TESK2: variants seen among roughly 807,000 people sequenced by gnomAD.
TESK2 encodes dual specificity testis-specific protein kinase 2.
In TESK2, 39 loss-of-function variants were observed where a neutral mutation model predicts 57.1. The ratio of observed to expected loss-of-function variants is 0.68; its 90% CI spans 0.53 to 0.89. The LOEUF is 0.89. Among genes scored for constraint, TESK2 ranks in the 40% least tolerant of loss-of-function variants. TESK2 has a pLI of 0.00. For synonymous variants in TESK2, 249 were observed against 267.9 expected (o/e 0.93, Z 0.69); for missense variants, 646 against 732.1 (o/e 0.88, Z 1.36).
chr1:45,405,546 C>T (rs1370219464), intron 3 of TESK2, among the ~76,000 whole-genome samples: 2 of 151,870 alleles, frequency 1.3e-5, no homozygotes, highest in Admixed American at 1.3e-4. Context: ...AATCCCAGCA[C>T]TTTGGGAGGC....
intron 2 of TESK2, among the ~76,000 whole-genome samples, chr1:45,436,450 G>T (rs1159469482): frequency 2.1e-5 from 3 of 140,836 alleles, no homozygotes; most frequent in Admixed American, 7.4e-5. Flanking sequence ...CTCCCAAAGT[G>T]CTGGGATCAT....
chr1:45,362,124 C>T (rs1227833543), intron 4 of TESK2, among the ~76,000 whole-genome samples: 1 of 152,210 alleles, frequency 6.6e-6, no homozygotes, highest in African/African-American at 2.4e-5. Flanking sequence ...CCTCACCAAA[C>T]ACTGAATCTG....
intron 1 of TESK2, among the ~76,000 whole-genome samples, chr1:45,467,636 G>GT (rs10579583): frequency 8.7e-4 from 130 of 148,760 alleles, no homozygotes; most frequent in East Asian, 3.7e-3. Context: ...GGCCTTCACA[G>GT]TTTTTTTTTT....
intron 1 of TESK2, among the ~76,000 whole-genome samples, chr1:45,469,204 A>T (rs1268390809): frequency 6.6e-6 from 1 of 152,200 alleles, no homozygotes; most frequent in African/African-American, 2.4e-5. Flanking sequence ...GCCTATCTTC[A>T]ATATTATATT....
chr1:45,351,831 A>G (rs1051944518), intron 5 of TESK2, among the ~76,000 whole-genome samples: 4 of 43,480 alleles, frequency 9.2e-5, no homozygotes, highest in African/African-American at 8.1e-4. Flanking sequence ...TAGGCCCAGG[A>G]AGACTTTATA....
In TESK2 at chr1:45,345,124, G is replaced by A. The variant is rs752618142; in HGVS notation, c.1432C>T (p.Leu478=). ...AGGCGTGGTGGGGGCCCATCAGATA[G>A]CGATTCTTCCCGGCCCACAAATGGA... ...ACPFVGREES[L]SDGPPPRLSS... The change falls in exon 11 of 11, where the codon CTA becomes TTA. Residue 478 remains leucine, a synonymous_variant. Coordinates refer to ENST00000372086, the MANE Select transcript of TESK2 (RefSeq NM_007170.3). 6.2e-7 allele frequency: 1 copy of A among 1,614,050 alleles called. No individual in the cohort carries two copies. Among genetic ancestry groups the A allele is most frequent in the African/African-American group, 1.3e-5 (1 of 74,938 alleles).
Position 45,347,075 on chromosome 1 carries a change from C to T in TESK2, c.709-13G>A, listed in dbSNP as rs181446723. 1.4e-4 allele frequency: 223 copies of T among 1,613,758 alleles called. No homozygotes were observed. In the East Asian group the frequency reaches 1.5e-3, roughly 11 times the overall value. The stretch of plus-strand genomic sequence containing the variant: ...AGAACACATCTGCCTGGTGGGTAGT[C>T]GGACTTTGGTTTCCCTCTTAATGGG... On this transcript the variant is annotated splice_polypyrimidine_tract_variant and intron_variant, in intron 7 of 10. Transcript: ENST00000372086.
intron 3 of TESK2, among the ~76,000 whole-genome samples, chr1:45,396,385 T>TG (rs1649357936): frequency 6.6e-6 from 1 of 151,650 alleles, no homozygotes; most frequent in Non-Finnish European, 1.5e-5. Context: ...TGTGAGCTAC[T>TG]GCGCCCAGCC....
Position 45,345,860 on chromosome 1 carries a change from C to G in TESK2, c.997+17G>C. On this transcript the variant is annotated intron_variant, in intron 10 of 10. Transcript: ENST00000372086. Reference sequence around the variant, plus strand: ...CTCCCTTAGGGTTAGGTTGGGCTCCCTGGTCTAATCTCTTACCCCTGGCTG... The same window carrying G: ...CTCCCTTAGGGTTAGGTTGGGCTCCGTGGTCTAATCTCTTACCCCTGGCTG... 2 of 1,604,898 alleles carry G rather than the reference C, an allele frequency of 1.2e-6. No individual in the cohort carries two copies. Among genetic ancestry groups the G allele is most frequent in the Non-Finnish European group, 1.7e-6 (2 of 1,172,160 alleles).
intron 1 of TESK2, among the ~76,000 whole-genome samples, chr1:45,480,736 C>T (rs1653183210): frequency 6.6e-6 from 1 of 151,272 alleles, no homozygotes; most frequent in Admixed American, 6.6e-5. Flanking sequence ...ACTTGTAATC[C>T]CAGCACTTTG....
chr1:45,472,967 C>T (rs1426270784), intron 1 of TESK2, among the ~76,000 whole-genome samples: 2 of 143,692 alleles, frequency 1.4e-5, no homozygotes, highest in Admixed American at 7.1e-5. Flanking sequence ...GAAACCCTGT[C>T]TCTACTAAAA....
At chr1:45,425,372 G>T (rs1650645549) in intron 2 of TESK2, among the ~76,000 whole-genome samples, 1 of 152,140 alleles carries the variant, frequency 6.6e-6, no homozygotes, top group Non-Finnish European at 1.5e-5. Context: ...GCTCTAAAAG[G>T]CCAGGCACAG....
intron 5 of TESK2, among the ~76,000 whole-genome samples, chr1:45,348,590 A>C: frequency 6.6e-6 from 1 of 152,190 alleles, no homozygotes; most frequent in East Asian, 1.9e-4. Context: ...ATCCTCATCC[A>C]AACTTGTCAC....
At chr1:45,350,435 A>G (rs1219740783) in intron 5 of TESK2, among the ~76,000 whole-genome samples, 1 of 152,116 alleles carries the variant, frequency 6.6e-6, no homozygotes, top group East Asian at 1.9e-4. Context: ...AAACAACAAA[A>G]CACTTTCTAT....
At chr1:45,382,871 CA>C (rs1169854705) in intron 4 of TESK2, among the ~76,000 whole-genome samples, 1 of 146,142 alleles carries the variant, frequency 6.8e-6, no homozygotes. Flanking sequence ...TCCGTCCCCC[CA>C]AAAAAAAAAT....
At chr1:45,472,314 T>C (rs1652801143) in intron 1 of TESK2, among the ~76,000 whole-genome samples, 1 of 150,228 alleles carries the variant, frequency 6.7e-6, no homozygotes, top group African/African-American at 2.5e-5. Context: ...TCCCAGCACT[T>C]TGGGAGGCCA....
intron 4 of TESK2, among the ~76,000 whole-genome samples, chr1:45,382,992 A>T (rs1378518874): frequency 6.6e-6 from 1 of 152,258 alleles, no homozygotes; most frequent in African/African-American, 2.4e-5. Flanking sequence ...AAATGGTTCA[A>T]GCCCAGGAAA....
At chr1:45,480,553 A>G (rs575680951) in intron 1 of TESK2, among the ~76,000 whole-genome samples, 18 of 152,114 alleles carry the variant, frequency 1.2e-4, no homozygotes, top group African/African-American at 4.3e-4. Flanking sequence ...CCCTTTTTAC[A>G]GCATTGTTTA....
intron 2 of TESK2, among the ~76,000 whole-genome samples, chr1:45,442,127 G>A (rs1233275870): frequency 6.6e-6 from 1 of 151,938 alleles, no homozygotes; most frequent in Non-Finnish European, 1.5e-5. Flanking sequence ...GTAGAGATGA[G>A]GTTTCTCCAT....
Sources: gnomAD v4.1 joint callset for allele counts (sites outside exome capture counted in the v4.1 genomes callset) on GRCh38, gnomAD v4.1.1 for gene constraint, MANE v1.5 for transcripts, NCBI Gene and HGNC (gene_info 2026-07-23, HGNC 2026-07-21) for gene names.